Variants in SDHC observed in about 807,000 individuals in gnomAD.
The protein encoded by SDHC is succinate dehydrogenase complex subunit C, also known as succinate dehydrogenase cytochrome b560 subunit, mitochondrial.
In SDHC, 11 loss-of-function variants were observed where a neutral mutation model predicts 22.6. The observed-to-expected ratio is 0.49, with a 90% CI of 0.31 to 0.81. SDHC has a LOEUF of 0.81. Among genes scored for constraint, SDHC ranks in the 30% least tolerant of loss-of-function variants. SDHC has a pLI of 0.05. For missense variants in SDHC, 160 were observed against 212.0 expected (o/e 0.75, Z 1.52); for synonymous variants, 80 against 77.8 (o/e 1.03, Z -0.15).
At chr1:161,322,401 A>G (rs759746170) in intron 1 of SDHC, among the ~76,000 whole-genome samples, 2 of 152,036 alleles carry the variant, frequency 1.3e-5, no homozygotes, top group East Asian at 1.9e-4. Context: ...TTTTATTCCC[A>G]TTTTTTTGCA....
chr1:161,333,511 A>G (rs1238115445), intron 3 of SDHC, among the ~76,000 whole-genome samples: 1 of 150,560 alleles, frequency 6.6e-6, no homozygotes, highest in African/African-American at 2.4e-5. Flanking sequence ...TTCAAGCGAT[A>G]TTCCTGCCTC....
intron 1 of SDHC, among the ~76,000 whole-genome samples, chr1:161,320,305 CT>C (rs1422846156): frequency 6.6e-6 from 1 of 152,038 alleles, no homozygotes; most frequent in Non-Finnish European, 1.5e-5. Flanking sequence ...TTAACCAGAA[CT>C]TTTGTATACA....
chr1:161,361,027 C>T (rs1269212439), intron 5 of SDHC, among the ~76,000 whole-genome samples: 2 of 151,874 alleles, frequency 1.3e-5, no homozygotes, highest in Non-Finnish European at 2.9e-5. Context: ...GCAAGAGAAT[C>T]GCTTGAACCT....
rs138977321 is a variant in SDHC at position 161,317,529 on chromosome 1, TTGTGTGTGTG to T, written c.20+3115_20+3124del. ...TTTTCAAGTATGCAATGCCTTGGTT[TTGTGTGTGTG>T]TGTGTGTGTGGTTTTTTTTTTTTTT... On this transcript the variant is annotated intron_variant, in intron 1 of 5. Transcript: ENST00000367975. Among the ~76,000 whole-genome samples the T allele has an allele frequency of 3.6e-4, 48 of 132,068 alleles. No individual in the cohort carries two copies. In the East Asian group the frequency reaches 9.9e-3, roughly 27 times the overall value. The allele number at this position is 132,068 out of a possible 152,430, so 86.6% of individuals were successfully genotyped here.
rs573239869 is a variant in SDHC at position 161,359,671 on chromosome 1, G to A, written c.406-2658G>A. Among the ~76,000 whole-genome samples the A allele has an allele frequency of 4.6e-5, 7 of 152,306 alleles. No homozygotes were observed. The South Asian group carries it at 1.2e-3, about 27-fold the overall frequency. On this transcript the variant is annotated intron_variant, in intron 5 of 5. Transcript: ENST00000367975. Reference sequence around the variant, plus strand: ...GATGGTAATCTTTTTGTTGAGGGAAGTGAAGAACCTAAGGGTCCTTAAGTC... The same window carrying A: ...GATGGTAATCTTTTTGTTGAGGGAAATGAAGAACCTAAGGGTCCTTAAGTC...
intron 2 of SDHC, among the ~76,000 whole-genome samples, chr1:161,325,304 T>C (rs1415882119): frequency 2.0e-5 from 3 of 151,798 alleles, no homozygotes; most frequent in African/African-American, 7.3e-5. Flanking sequence ...GCCCAGGAGG[T>C]CAAGACCAGC....
intron 1 of SDHC, among the ~76,000 whole-genome samples, chr1:161,321,991 C>G (rs1455268088): frequency 6.6e-6 from 1 of 152,032 alleles, no homozygotes; most frequent in Non-Finnish European, 1.5e-5. Context: ...GTATAATGGT[C>G]GTGTGTTTTT....
intron 3 of SDHC, among the ~76,000 whole-genome samples, chr1:161,335,497 T>G (rs1317465361): frequency 6.6e-6 from 1 of 152,118 alleles, no homozygotes; most frequent in Non-Finnish European, 1.5e-5. Flanking sequence ...ATTTTCTAGA[T>G]TTGTTTGTTT....
intron 4 of SDHC, among the ~76,000 whole-genome samples, chr1:161,355,838 G>A (rs886285882): frequency 1.3e-5 from 2 of 151,882 alleles, no homozygotes; most frequent in African/African-American, 4.8e-5. Context: ...GCAAAAATTA[G>A]CGAGGCATGG....
At chr1:161,358,032 CTTTTTTTTTT>C (rs34253350) in intron 5 of SDHC, among the ~76,000 whole-genome samples, 1 of 104,830 alleles carries the variant, frequency 9.5e-6, no homozygotes, top group East Asian at 2.7e-4. Flanking sequence ...GGTTAGGAAT[CTTTTTTTTTT>C]TTTTTTTTTT....
At chr1:161,330,944 G>A (rs1038303748) in intron 3 of SDHC, among the ~76,000 whole-genome samples, 2 of 149,834 alleles carry the variant, frequency 1.3e-5, no homozygotes, top group African/African-American at 4.9e-5. Context: ...GTTGCAGTGA[G>A]CCGAGATTGC....
chr1:161,328,245 G>A (rs965891281), intron 2 of SDHC, 151 bp from the exon 3 acceptor site: 19 of 644,360 alleles, frequency 2.9e-5, no homozygotes, highest in South Asian at 4.7e-5. Context: ...CAGGTGATCC[G>A]CCCGCCTCGG....
chr1:161,358,194 G>A (rs1277356496), intron 5 of SDHC, among the ~76,000 whole-genome samples: 3 of 148,288 alleles, frequency 2.0e-5, no homozygotes, highest in South Asian at 2.1e-4. Context: ...CCACAACCAC[G>A]GCCAGCTAAT....
intron 3 of SDHC, among the ~76,000 whole-genome samples, chr1:161,329,645 T>C (rs1279983613): frequency 6.6e-6 from 1 of 152,256 alleles, no homozygotes; most frequent in East Asian, 1.9e-4. Context: ...GTATTTGTTT[T>C]CTATTGCTAC....
intron 3 of SDHC, among the ~76,000 whole-genome samples, chr1:161,332,864 C>T (rs957613248): frequency 2.0e-5 from 3 of 152,052 alleles, no homozygotes; most frequent in African/African-American, 7.2e-5. Flanking sequence ...AACTCCTGAC[C>T]TCAGGTGATC....
intron 4 of SDHC, among the ~76,000 whole-genome samples, chr1:161,349,954 A>T (rs1367197974): frequency 2.0e-5 from 3 of 152,204 alleles, no homozygotes; most frequent in Non-Finnish European, 4.4e-5. Flanking sequence ...CTTGTCTCCC[A>T]GGCTGGAGTG....
chr1:161,340,485 GAAAA>G, intron 3 of SDHC, 105 bp from the exon 4 acceptor site: 1 of 832,480 alleles, frequency 1.2e-6, no homozygotes, highest in Non-Finnish European at 1.9e-6. Flanking sequence ...AAAAAAAAAA[GAAAA>G]AAAAGTGCCT....
chr1:161,323,764 C>T lies in SDHC; in HGVS notation c.77+94C>T, dbSNP rs1035636765. On this transcript the variant is annotated intron_variant, in intron 2 of 5. Coordinates refer to ENST00000367975, the MANE Select transcript of SDHC (RefSeq NM_003001.5). The stretch of plus-strand genomic sequence containing the variant: ...AGGCTGGAGTGCAATGGCGCGATCT[C>T]GGCTCACTGCAAGCGCCGCCTCTTG... 1.7e-5 allele frequency: 15 copies of T among 899,650 alleles called. No individual in the cohort carries two copies. In the Admixed American group the frequency reaches 2.0e-4, roughly 12 times the overall value. 55.7% of individuals were successfully genotyped at this position (899,650 alleles called of 1,614,324 possible).
At chr1:161,328,268 C>G (rs752787766) in intron 2 of SDHC, 128 bp from the exon 3 acceptor site, 31 of 774,496 alleles carry the variant, frequency 4.0e-5, no homozygotes, top group Admixed American at 3.1e-4. Flanking sequence ...TCCCAAAGAG[C>G]TGAGATTACA....
Sources: allele counts gnomAD v4.1 joint callset (sites outside exome capture counted in the v4.1 genomes callset), GRCh38; gene constraint gnomAD v4.1.1; transcripts MANE v1.5; gene names NCBI Gene and HGNC (gene_info 2026-07-23, HGNC 2026-07-21).